Variants in SHISA6 observed in about 807,000 individuals in gnomAD.
SHISA6 encodes the protein shisa family member 6.
A neutral mutation model predicts 47.9 loss-of-function variants in SHISA6; 22 were observed. That is an observed-to-expected ratio of 0.46 (90% confidence interval 0.33 to 0.66). The LOEUF (loss-of-function observed/expected upper bound fraction) is 0.66. SHISA6 is among the 30% of genes least tolerant of loss of function. SHISA6 has a pLI of 0.02. For synonymous variants in SHISA6, 388 were observed against 337.8 expected (o/e 1.15, Z -1.63); for missense variants, 680 against 764.6 (o/e 0.89, Z 1.30).
chr17:11,446,034 G>C (rs140478413), intron 3 of SHISA6, among the ~76,000 whole-genome samples: 2 of 152,082 alleles, frequency 1.3e-5, no homozygotes, highest in African/African-American at 4.8e-5. Context: ...CACCATATTG[G>C]TCAGGCTGGT....
In SHISA6 at chr17:11,415,957, C is replaced by T. The variant is rs559062628; in HGVS notation, c.895+36448C>T. On this transcript the variant is annotated intron_variant, in intron 3 of 5. Transcript: ENST00000441885. ...TCGAGGTGATAGATCCATTGTCTGG[C>T]GAGGGATTGCTTCTTGGTTTACAGA... Among the ~76,000 whole-genome samples the T allele has an allele frequency of 2.0e-5, 3 of 152,174 alleles. No homozygotes were observed. In the South Asian group the frequency reaches 6.2e-4, roughly 32 times the overall value.
rs543871369 is a variant in SHISA6 at position 11,526,492 on chromosome 17, T to C, written c.896-25404T>C. Among the ~76,000 whole-genome samples, 601 of 152,270 alleles carry C rather than the reference T, an allele frequency of 3.9e-3. 5 individuals are homozygous for C. The highest frequency in any genetic ancestry group is 0.014 in the African/African-American group (561 of 41,550). ...CCCAGAGCATCGCACTTGTACTCTA[T>C]GTAGCAGAGACAAAATCATTTTACC... On this transcript the variant is annotated intron_variant, in intron 3 of 5. Coordinates refer to ENST00000441885, the MANE Select transcript of SHISA6 (RefSeq NM_207386.4).
chr17:11,338,233 A>C (rs1911390507), intron 2 of SHISA6, among the ~76,000 whole-genome samples: 1 of 152,088 alleles, frequency 6.6e-6, no homozygotes, highest in Admixed American at 6.6e-5. Context: ...AGATGTTGGG[A>C]GCACTCTCCT....
chr17:11,400,714 A>G (rs900555096), intron 3 of SHISA6, among the ~76,000 whole-genome samples: 1 of 152,130 alleles, frequency 6.6e-6, no homozygotes, highest in African/African-American at 2.4e-5. Context: ...CTAGGCATTC[A>G]GGTTGTTCCA....
intron 2 of SHISA6, among the ~76,000 whole-genome samples, chr17:11,328,749 A>G (rs1910999016): frequency 6.6e-6 from 1 of 152,224 alleles, no homozygotes; most frequent in Non-Finnish European, 1.5e-5. Context: ...GAAGTAGGTC[A>G]GGCAGAGGAA....
intron 3 of SHISA6, among the ~76,000 whole-genome samples, chr17:11,501,115 ATT>A (rs61051749): frequency 2.8e-5 from 4 of 145,274 alleles, no homozygotes; most frequent in Admixed American, 6.9e-5. Flanking sequence ...CTTCCAACAC[ATT>A]TTTTTTTTTT....
chr17:11,473,775 T>C (rs1349164710), intron 3 of SHISA6, among the ~76,000 whole-genome samples: 1 of 152,174 alleles, frequency 6.6e-6, no homozygotes, highest in East Asian at 1.9e-4. Context: ...AGTTTCAGGA[T>C]ACATGTGCAG....
At chr17:11,370,806 G>A (rs917823520) in intron 2 of SHISA6, among the ~76,000 whole-genome samples, 2 of 152,204 alleles carry the variant, frequency 1.3e-5, no homozygotes, top group Admixed American at 1.3e-4. Flanking sequence ...TCCAGTGAGA[G>A]TGTCGGGTAA....
rs376458803 is a variant in SHISA6, at chr17:11,334,377, CT to C, written c.800-45032del. Among the ~76,000 whole-genome samples the C allele has an allele frequency of 4.1e-3, 628 of 152,230 alleles. 3 individuals are homozygous for C. Among genetic ancestry groups the C allele is most frequent in the African/African-American group, 0.014 (591 of 41,534 alleles). On this transcript the variant is annotated intron_variant, in intron 2 of 5. Coordinates refer to ENST00000441885, the MANE Select transcript of SHISA6 (RefSeq NM_207386.4). ...TCAGAAGCGTTGTGAGTAAAAACAGCTTTTTGAGAGTGCTTGAGAAACAAGC... is the reference window on the plus strand; with the variant it reads ...TCAGAAGCGTTGTGAGTAAAAACAGCTTTTGAGAGTGCTTGAGAAACAAGC...
At chr17:11,395,671 C>T (rs1913546329) in intron 3 of SHISA6, among the ~76,000 whole-genome samples, 1 of 151,918 alleles carries the variant, frequency 6.6e-6, no homozygotes, top group Non-Finnish European at 1.5e-5. Flanking sequence ...GCGCCCACCA[C>T]CACGCCCAGC....
At chr17:11,360,093 C>G (rs1912214687) in intron 2 of SHISA6, among the ~76,000 whole-genome samples, 1 of 152,166 alleles carries the variant, frequency 6.6e-6, no homozygotes, top group Admixed American at 6.5e-5. Context: ...TAGACTGGAT[C>G]AAGAAAATGT....
intron 3 of SHISA6, among the ~76,000 whole-genome samples, chr17:11,465,883 G>C (rs1352347760): frequency 2.0e-5 from 3 of 152,172 alleles, no homozygotes; most frequent in Non-Finnish European, 4.4e-5. Flanking sequence ...ACACCTTTTT[G>C]AGAATAGAGA....
chr17:11,551,809 T>C, intron 3 of SHISA6, 87 bp from the exon 4 acceptor site: 1 of 1,172,912 alleles, frequency 8.5e-7, no homozygotes, highest in Non-Finnish European at 1.2e-6. Context: ...GAGAAGCACA[T>C]TAGAGGTAAA....
chr17:11,525,577 G>T (rs920500745), intron 3 of SHISA6, among the ~76,000 whole-genome samples: 2 of 142,164 alleles, frequency 1.4e-5, no homozygotes, highest in Admixed American at 7.4e-5. Flanking sequence ...AAGTTGCAGG[G>T]AGCCGAGATC....
At position 11,272,430 on chromosome 17, in the gene SHISA6, G is replaced by A. The variant is rs542517030; in HGVS notation, c.799+8904G>A. ...CATCCTGGGCTCCTCCGTCCTTGCA[G>A]AGAGGCAGTGGAGCGGGCTGACTAG... On this transcript the variant is annotated intron_variant, in intron 2 of 5. Transcript: ENST00000441885. Among the ~76,000 whole-genome samples, 3 of 152,292 alleles carry A rather than the reference G, an allele frequency of 2.0e-5. No homozygotes were observed. In the East Asian group the frequency reaches 5.8e-4, roughly 29 times the overall value.
At chr17:11,469,506 A>C (rs934222791) in intron 3 of SHISA6, among the ~76,000 whole-genome samples, 2 of 152,148 alleles carry the variant, frequency 1.3e-5, no homozygotes, top group African/African-American at 4.8e-5. Context: ...TATGCCACTG[A>C]GTTTGGGGTA....
At chr17:11,458,249 G>T (rs746423367) in intron 3 of SHISA6, among the ~76,000 whole-genome samples, 1 of 152,134 alleles carries the variant, frequency 6.6e-6, no homozygotes, top group Non-Finnish European at 1.5e-5. Flanking sequence ...TCATCTGTAG[G>T]TGGTGAACAT....
intron 2 of SHISA6, among the ~76,000 whole-genome samples, chr17:11,282,272 G>C (rs1009907629): frequency 2.0e-5 from 3 of 152,102 alleles, no homozygotes; most frequent in African/African-American, 7.2e-5. Flanking sequence ...TTATTCACTT[G>C]TTGCCCAGAT....
intron 2 of SHISA6, among the ~76,000 whole-genome samples, chr17:11,358,859 A>G (rs1912166046): frequency 1.3e-5 from 2 of 151,854 alleles, no homozygotes; most frequent in Admixed American, 6.6e-5. Flanking sequence ...GGGTTTCACC[A>G]TGTTGCCTAG....
Sources: gnomAD v4.1 joint callset for allele counts (sites outside exome capture counted in the v4.1 genomes callset) on GRCh38, gnomAD v4.1.1 for gene constraint, MANE v1.5 for transcripts, NCBI Gene and HGNC (gene_info 2026-07-23, HGNC 2026-07-21) for gene names.